ANKRD30BL: variants seen among roughly 807,000 people sequenced by gnomAD.
ANKRD30BL encodes the protein ankyrin repeat domain 30B like.
A neutral mutation model predicts 18.4 loss-of-function variants in ANKRD30BL; 20 were observed. The ratio of observed to expected loss-of-function variants is 1.09; its 90% CI spans 0.77 to 1.58. The LOEUF (loss-of-function observed/expected upper bound fraction) is 1.58. Among genes scored for constraint, ANKRD30BL ranks in the 40% most tolerant of loss-of-function variants. ANKRD30BL has a pLI of 0.00. For missense variants in ANKRD30BL, 224 were observed against 268.6 expected (o/e 0.83, Z 1.16); for synonymous variants, 72 against 100.9 (o/e 0.71, Z 1.72).
chr2:132,232,001 C>G (rs1313897664), intron 1 of ANKRD30BL, among the ~76,000 whole-genome samples: 1 of 152,238 alleles, frequency 6.6e-6, no homozygotes, highest in Non-Finnish European at 1.5e-5. Flanking sequence ...AACTGGCAGA[C>G]TGCCTCATCA....
chr2:132,150,792 T>C (rs1687736276), intron 5 of ANKRD30BL, 120 bp downstream of exon 5: 1 of 365,646 alleles, frequency 2.7e-6, no homozygotes. Flanking sequence ...AAAACACATA[T>C]AGGTCTATAT....
intron 1 of ANKRD30BL, among the ~76,000 whole-genome samples, chr2:132,202,978 A>T (rs557524317): frequency 6.6e-6 from 1 of 152,360 alleles, no homozygotes; most frequent in Admixed American, 6.5e-5. Flanking sequence ...GCAGATCAGG[A>T]TATTCTCTTA....
intron 4 of ANKRD30BL, chr2:132,152,552 G>A (rs1338711218): frequency 1.3e-5 from 2 of 152,114 alleles, no homozygotes; most frequent in Non-Finnish European, 2.9e-5. Context: ...ATCACTTGAG[G>A]GGACAACCAC....
intron 1 of ANKRD30BL, among the ~76,000 whole-genome samples, chr2:132,237,230 C>A (rs1048755422): frequency 6.6e-6 from 1 of 152,028 alleles, no homozygotes; most frequent in Non-Finnish European, 1.5e-5. Flanking sequence ...ACATATGTAA[C>A]TAACCTGCAC....
chr2:132,253,793 G>A (rs72869412), intron 1 of ANKRD30BL, among the ~76,000 whole-genome samples: 11 of 152,090 alleles, frequency 7.2e-5, no homozygotes, highest in African/African-American at 1.7e-4. Context: ...CCTGGATGGC[G>A]GGGGCGGATG....
At chr2:132,230,164 G>T (rs1308328411) in intron 1 of ANKRD30BL, among the ~76,000 whole-genome samples, 2 of 151,258 alleles carry the variant, frequency 1.3e-5, no homozygotes, top group Non-Finnish European at 3.0e-5. Context: ...AGCATTCTCA[G>T]AAACTTCTTT....
intron 1 of ANKRD30BL, among the ~76,000 whole-genome samples, chr2:132,230,906 C>T (rs553831695): frequency 0.011 from 1,632 of 151,886 alleles, 29 homozygotes; most frequent in African/African-American, 0.037. Flanking sequence ...TTTGATAGAG[C>T]AGTTTTGAAA....
At chr2:132,186,496 G>A (rs1431589708) in intron 1 of ANKRD30BL, among the ~76,000 whole-genome samples, 1 of 152,158 alleles carries the variant, frequency 6.6e-6, no homozygotes, top group Non-Finnish European at 1.5e-5. Flanking sequence ...GCCCATTTTG[G>A]TGAAGGAACT....
chr2:132,179,045 G>A (rs1688412636), intron 1 of ANKRD30BL, among the ~76,000 whole-genome samples: 1 of 151,462 alleles, frequency 6.6e-6, no homozygotes, highest in Non-Finnish European at 1.5e-5. Flanking sequence ...AGTAAATGGT[G>A]GACCACATAT....
chr2:132,194,409 C>T (rs1288143161), intron 1 of ANKRD30BL, among the ~76,000 whole-genome samples: 1 of 152,218 alleles, frequency 6.6e-6, no homozygotes, highest in Non-Finnish European at 1.5e-5. Context: ...CTTTAGCCTT[C>T]TGTCTCTGGA....
rs1289518082 is a variant in ANKRD30BL, at chr2:132,148,251, A to G, written c.680-23T>C. 4 of 1,587,044 alleles carry G rather than the reference A, an allele frequency of 2.5e-6. No individual in the cohort carries two copies. In the Admixed American group the frequency reaches 7.0e-5, roughly 28 times the overall value. On this transcript the variant is annotated intron_variant, in intron 5 of 5. Coordinates refer to ENST00000409867, the MANE Select transcript of ANKRD30BL (RefSeq NM_001358416.1). ...CTTCTGCCAAACACAGAGTCTGGTTAAATTTTCCTTCGCTAAATATCATCC... is the reference window on the plus strand; with the variant it reads ...CTTCTGCCAAACACAGAGTCTGGTTGAATTTTCCTTCGCTAAATATCATCC...
intron 1 of ANKRD30BL, among the ~76,000 whole-genome samples, chr2:132,160,650 G>C (rs1412645112): frequency 6.6e-6 from 1 of 150,884 alleles, no homozygotes; most frequent in African/African-American, 2.4e-5. Flanking sequence ...GGATGGTCTC[G>C]ATCTCCTGAC....
chr2:132,220,314 C>CTCCCTG lies in ANKRD30BL; in HGVS notation n.441+37214_441+37215insCAGGGA, dbSNP rs1558940567. On this transcript the variant is annotated intron_variant and non_coding_transcript_variant, in intron 1 of 4. Transcript: ENST00000470729. ...TCTCCCTCTCCCTGTCCCTCTCCCT[C>CTCCCTG]TCCCTCTCCCTGTCCCTCTCCCTCT... is the stretch of plus-strand genomic sequence containing the variant. 7.9e-4 allele frequency among the ~76,000 whole-genome samples: 94 copies of CTCCCTG among 118,748 alleles called. 5 individuals are homozygous for CTCCCTG. Among genetic ancestry groups the CTCCCTG allele is most frequent in the African/African-American group, 3.2e-3 (88 of 27,098 alleles). The allele number at this position is 118,748 out of a possible 152,430, so 77.9% of individuals were successfully genotyped here. A position where few individuals can be genotyped will look rare whatever the true frequency, so the allele number is the denominator to read the frequency against.
intron 1 of ANKRD30BL, among the ~76,000 whole-genome samples, chr2:132,175,492 C>T (rs187087228): frequency 6.6e-6 from 1 of 152,338 alleles, no homozygotes; most frequent in African/African-American, 2.4e-5. Flanking sequence ...GGGTATTATA[C>T]TGAGACATTC....
At chr2:132,254,526 G>A (rs78984900) in intron 1 of ANKRD30BL, among the ~76,000 whole-genome samples, 1 of 152,182 alleles carries the variant, frequency 6.6e-6, no homozygotes, top group African/African-American at 2.4e-5. Context: ...TGTACAAAGG[G>A]CAGGGACTTC....
chr2:132,203,220 C>A (rs1346542803), intron 1 of ANKRD30BL, among the ~76,000 whole-genome samples: 1 of 152,298 alleles, frequency 6.6e-6, no homozygotes, highest in African/African-American at 2.4e-5. Flanking sequence ...CACACAAGTT[C>A]AAGGAGCTTG....
At chr2:132,198,392 C>T (rs1192230639) in intron 1 of ANKRD30BL, among the ~76,000 whole-genome samples, 3 of 140,916 alleles carry the variant, frequency 2.1e-5, no homozygotes, top group South Asian at 4.6e-4. Context: ...GGAGCGATCT[C>T]GGCTCACTGC....
At chr2:132,195,811 A>G (rs1678953565) in intron 1 of ANKRD30BL, among the ~76,000 whole-genome samples, 1 of 146,104 alleles carries the variant, frequency 6.8e-6, no homozygotes, top group African/African-American at 2.6e-5. Context: ...AAAAAAAAAA[A>G]AGAATAAAAT....
chr2:132,179,351 TGA>T (rs1350220340), intron 1 of ANKRD30BL, among the ~76,000 whole-genome samples: 10 of 151,400 alleles, frequency 6.6e-5, no homozygotes, highest in African/African-American at 2.4e-4. Context: ...TGCCATGGTG[TGA>T]TATCGGCTCA....
Sources: allele counts gnomAD v4.1 joint callset (sites outside exome capture counted in the v4.1 genomes callset), GRCh38; gene constraint gnomAD v4.1.1; transcripts MANE v1.5; gene names NCBI Gene and HGNC (gene_info 2026-07-23, HGNC 2026-07-21).